Variants in CPLX2 observed in about 807,000 individuals in gnomAD.
CPLX2 encodes the protein complexin-2.
A neutral mutation model predicts 16.3 loss-of-function variants in CPLX2; 5 were observed. That is an observed-to-expected ratio of 0.31 (90% CI 0.16 to 0.64). The LOEUF (loss-of-function observed/expected upper bound fraction) is 0.64. CPLX2 is among the 30% of genes least tolerant of loss of function. CPLX2 has a pLI of 0.79. For missense variants in CPLX2, 144 were observed against 181.4 expected, an observed-to-expected ratio of 0.79 and a Z score of 1.18; for synonymous variants, 89 against 73.2, an observed-to-expected ratio of 1.22 and a Z score of -1.10.
chr5:175,846,113 A>G (rs944552104), intron 2 of CPLX2, among the ~76,000 whole-genome samples: 5 of 151,992 alleles, frequency 3.3e-5, no homozygotes, highest in Non-Finnish European at 7.4e-5. Context: ...GGCCATGCAC[A>G]CACACAAACA....
intron 2 of CPLX2, among the ~76,000 whole-genome samples, chr5:175,862,250 A>G (rs1368911669): frequency 6.6e-6 from 1 of 152,210 alleles, no homozygotes; most frequent in Non-Finnish European, 1.5e-5. Flanking sequence ...ATCCTCCAAG[A>G]GCTCACAATC....
Position 175,879,863 on chromosome 5 carries a change from AAGG to A in CPLX2, c.229_231del (p.Glu77del), listed in dbSNP as rs770953273. The A allele has an allele frequency of 1.9e-6, 3 of 1,611,772 alleles. No homozygotes were observed. The highest frequency in any genetic ancestry group is 1.3e-5 in the African/African-American group (1 of 74,950). On this transcript the variant is annotated inframe_deletion, in exon 4 of 4. Transcript: ENST00000393745. ...CCCTCCCCAGTATGGGCTGAAGAAG[AAGG>A]AGGAGAAGGAAGCAGAGGAGAAAGC...
At position 175,859,670 on chromosome 5, in the gene CPLX2, A is replaced by C. The variant is rs115595187; in HGVS notation, c.-88-18982A>C. On this transcript the variant is annotated intron_variant, in intron 2 of 4. Transcript: ENST00000359546. ...ATCTTTGAGGGGGTGTGGAGATATGAACTGTGGATATGATGTTTGGACTTT... is the reference window on the plus strand; with the variant it reads ...ATCTTTGAGGGGGTGTGGAGATATGCACTGTGGATATGATGTTTGGACTTT... Among the ~76,000 whole-genome samples the C allele has an allele frequency of 4.8e-3, 733 of 152,364 alleles. 6 individuals are homozygous for C. Among genetic ancestry groups the C allele is most frequent in the African/African-American group, 0.017 (708 of 41,582 alleles).
upstream of CPLX2, among the ~76,000 whole-genome samples, chr5:175,871,316 GA>G (rs1256888735): frequency 1.4e-5 from 2 of 145,492 alleles, no homozygotes; most frequent in Non-Finnish European, 3.0e-5. Context: ...AGCGAGAAAA[GA>G]GGGGGAGGAA....
intron 2 of CPLX2, among the ~76,000 whole-genome samples, chr5:175,843,325 GCA>G (rs1439369636): frequency 6.6e-6 from 1 of 152,172 alleles, no homozygotes; most frequent in African/African-American, 2.4e-5. Flanking sequence ...GGCTCCCAAG[GCA>G]CACACACTGT....
intron 2 of CPLX2, among the ~76,000 whole-genome samples, chr5:175,812,247 C>T (rs1222359505): frequency 6.6e-6 from 1 of 152,200 alleles, no homozygotes; most frequent in Admixed American, 6.5e-5. Context: ...CCTTGGCCAG[C>T]CCCATCCCAG....
chr5:175,858,531 G>T (rs748000259), intron 2 of CPLX2, among the ~76,000 whole-genome samples: 1 of 152,210 alleles, frequency 6.6e-6, no homozygotes, highest in Non-Finnish European at 1.5e-5. Context: ...AGCCCCCGGG[G>T]GCCAGTGTCA....
chr5:175,822,629 T>C (rs542659521), intron 2 of CPLX2, among the ~76,000 whole-genome samples: 1 of 152,358 alleles, frequency 6.6e-6, no homozygotes, highest in South Asian at 2.1e-4. Flanking sequence ...CACTCTATCT[T>C]TCTACATCTC....
intron 2 of CPLX2, chr5:175,861,682 C>G (rs1759374453): frequency 6.6e-6 from 1 of 152,340 alleles, no homozygotes; most frequent in Non-Finnish European, 1.5e-5. Context: ...ACAGCGGCTT[C>G]CTGACGCTGG....
chr5:175,879,029 G>A lies in CPLX2; in HGVS notation c.153G>A (p.Lys51=), dbSNP rs1172696005. 1.3e-6 allele frequency: 2 copies of A among 1,593,314 alleles called. No individual in the cohort carries two copies. The highest frequency in any genetic ancestry group is 1.3e-5 in the African/African-American group (1 of 74,214). The change falls in exon 3 of 4, where the codon AAG becomes AAA. Residue 51 remains lysine, a synonymous_variant. Coordinates refer to ENST00000393745, the MANE Select transcript of CPLX2 (RefSeq NM_001008220.2). ...LRQQEEERKA[K]HARMEAEREK... ...AGCAGGAGGAGGAGCGTAAGGCCAA[G>A]CACGCGCGCATGGAGGCGGAGCGGG...
At chr5:175,853,171 C>T (rs908796199) in intron 2 of CPLX2, among the ~76,000 whole-genome samples, 11 of 152,198 alleles carry the variant, frequency 7.2e-5, no homozygotes, top group Non-Finnish European at 1.5e-4. Context: ...AATAAATGCA[C>T]CAAAGCGTTT....
At chr5:175,820,327 G>A (rs934523057) in intron 2 of CPLX2, among the ~76,000 whole-genome samples, 1 of 152,172 alleles carries the variant, frequency 6.6e-6, no homozygotes, top group Admixed American at 6.5e-5. Context: ...TCCTTCCCCC[G>A]ACACTTCTGT....
intron 2 of CPLX2, among the ~76,000 whole-genome samples, chr5:175,822,507 T>G (rs959682923): frequency 2.0e-5 from 3 of 152,224 alleles, no homozygotes; most frequent in Non-Finnish European, 4.4e-5. Context: ...AACGAGGCTC[T>G]TTAGACTTAA....
rs536994046 is a variant in CPLX2 at position 175,839,686 on chromosome 5, G to C, written c.-89+30618G>C. On this transcript the variant is annotated intron_variant, in intron 2 of 4. Transcript: ENST00000359546. ...TGTACAACATACAAGGTAAAACCAA[G>C]ATTACATTAAACATTATTTTATCCT... Among the ~76,000 whole-genome samples the C allele has an allele frequency of 3.9e-5, 6 of 152,322 alleles. No individual in the cohort carries two copies. The East Asian group carries it at 1.2e-3, about 29-fold the overall frequency.
intron 1 of CPLX2, among the ~76,000 whole-genome samples, chr5:175,797,613 AAGTGTGAGGCTGAGTTTCCGT>A (rs1234388484): frequency 6.6e-6 from 1 of 152,058 alleles, no homozygotes; most frequent in Non-Finnish European, 1.5e-5. Context: ...CATCCCTAGA[AAGTGTGAGGCTGAGTTTCCGT>A]AGGGGGAGGG....
intron 2 of CPLX2, among the ~76,000 whole-genome samples, chr5:175,815,437 C>T (rs1207543786): frequency 2.0e-5 from 3 of 152,208 alleles, no homozygotes; most frequent in African/African-American, 7.2e-5. Context: ...GCAGGACAGC[C>T]GCTGCCCACT....
At chr5:175,839,198 T>C (rs1456309994) in intron 2 of CPLX2, among the ~76,000 whole-genome samples, 1 of 152,234 alleles carries the variant, frequency 6.6e-6, no homozygotes, top group African/African-American at 2.4e-5. Flanking sequence ...CATTCAGCTT[T>C]AAGCATGTTT....
At chr5:175,837,312 G>T (rs1224882528) in intron 2 of CPLX2, among the ~76,000 whole-genome samples, 1 of 152,194 alleles carries the variant, frequency 6.6e-6, no homozygotes, top group African/African-American at 2.4e-5. Flanking sequence ...TTGGAAACTG[G>T]AGCCTTGAAA....
At chr5:175,819,936 TC>T (rs1382291996) in intron 2 of CPLX2, among the ~76,000 whole-genome samples, 1 of 152,124 alleles carries the variant, frequency 6.6e-6, no homozygotes, top group Non-Finnish European at 1.5e-5. Context: ...TACAAGGACA[TC>T]TATCTCACTC....
Sources: gnomAD v4.1 joint callset for allele counts (sites outside exome capture counted in the v4.1 genomes callset) on GRCh38, gnomAD v4.1.1 for gene constraint, MANE v1.5 for transcripts, NCBI Gene and HGNC (gene_info 2026-07-23, HGNC 2026-07-21) for gene names.